The following IQCK variants were observed in gnomAD, a reference collection of about 807,000 sequenced individuals.
IQCK encodes IQ domain-containing protein K.
Under a neutral mutation model 28.1 loss-of-function variants are expected in IQCK, and 29 were observed. That is an observed-to-expected ratio of 1.03 (90% CI 0.77 to 1.41). The LOEUF (loss-of-function observed/expected upper bound fraction) is 1.41. IQCK is among the 40% of genes most tolerant of loss of function. The pLI, the probability that IQCK is intolerant of heterozygous loss-of-function variation, is 0.00. For missense variants in IQCK, 359 were observed against 314.7 expected (o/e 1.14, Z -1.07); for synonymous variants, 113 against 115.1 (o/e 0.98, Z 0.12).
intron 6 of IQCK, among the ~76,000 whole-genome samples, chr16:19,767,879 C>A: frequency 6.6e-6 from 1 of 151,726 alleles, no homozygotes; most frequent in East Asian, 1.9e-4. Flanking sequence ...GACTCCATCT[C>A]AATAAATAAA....
At chr16:19,745,308 C>T (rs540231563) in intron 4 of IQCK, among the ~76,000 whole-genome samples, 3 of 152,198 alleles carry the variant, frequency 2.0e-5, no homozygotes, top group African/African-American at 7.2e-5. Context: ...TTTAAATGCT[C>T]ACTATGTCTG....
chr16:19,839,018 CAAAAAAAAAAAA>C (rs71146274), intron 9 of IQCK, among the ~76,000 whole-genome samples: 1 of 42,582 alleles, frequency 2.3e-5, no homozygotes, highest in Non-Finnish European at 4.5e-5. Context: ...GACTCCATAG[CAAAAAAAAAAAA>C]AAAAAAAAAA....
intron 9 of IQCK, among the ~76,000 whole-genome samples, chr16:19,833,607 A>C (rs993933215): frequency 2.6e-5 from 4 of 152,212 alleles, no homozygotes; most frequent in Non-Finnish European, 5.9e-5. Context: ...AAATATAGTA[A>C]GTTTCTTAGA....
intron 7 of IQCK, among the ~76,000 whole-genome samples, chr16:19,822,067 C>CAAAA (rs35060834): frequency 1.5e-5 from 1 of 64,646 alleles, no homozygotes; most frequent in African/African-American, 5.0e-5. Flanking sequence ...GACCCTGTCT[C>CAAAA]AAAAAAAAAA....
chr16:19,837,447 C>T (rs1371662158), intron 9 of IQCK, among the ~76,000 whole-genome samples: 1 of 152,086 alleles, frequency 6.6e-6, no homozygotes, highest in South Asian at 2.1e-4. Context: ...CTGACAGAAC[C>T]GAGCTCCTGC....
At chr16:19,850,133 C>A (rs2056464684) in intron 9 of IQCK, among the ~76,000 whole-genome samples, 5 of 152,146 alleles carry the variant, frequency 3.3e-5, no homozygotes. Flanking sequence ...AGGTTGTTCT[C>A]AAACTGTTTA....
At chr16:19,739,722 G>A (rs1269115620) in intron 4 of IQCK, among the ~76,000 whole-genome samples, 1 of 152,134 alleles carries the variant, frequency 6.6e-6, no homozygotes, top group African/African-American at 2.4e-5. Flanking sequence ...GGCTGAGGTG[G>A]GAGAATCACT....
chr16:19,762,298 C>T (rs1445096142), intron 4 of IQCK, among the ~76,000 whole-genome samples: 4 of 152,246 alleles, frequency 2.6e-5, no homozygotes, highest in Admixed American at 6.5e-5. Flanking sequence ...CACCTGTGTG[C>T]GGGGTGTCTC....
intron 7 of IQCK, among the ~76,000 whole-genome samples, chr16:19,810,267 C>T (rs574848375): frequency 9.2e-5 from 14 of 152,094 alleles, no homozygotes; most frequent in African/African-American, 2.2e-4. Context: ...GAGGCCGAGG[C>T]GGGCGGATCA....
At chr16:19,804,470 CT>C (rs2151741588) in intron 7 of IQCK, among the ~76,000 whole-genome samples, 1 of 151,982 alleles carries the variant, frequency 6.6e-6, no homozygotes, top group South Asian at 2.1e-4. Context: ...CAGGGTCTCA[CT>C]TTGTCACCTA....
At chr16:19,805,694 G>T (rs1355971520) in intron 7 of IQCK, among the ~76,000 whole-genome samples, 1 of 152,146 alleles carries the variant, frequency 6.6e-6, no homozygotes, top group Non-Finnish European at 1.5e-5. Flanking sequence ...CACACCATGG[G>T]TTCTTCCTGT....
intron 7 of IQCK, among the ~76,000 whole-genome samples, chr16:19,824,248 TG>T: frequency 6.6e-6 from 1 of 152,338 alleles, no homozygotes; most frequent in Admixed American, 6.5e-5. Flanking sequence ...ACAGATCATC[TG>T]GCACTAGTTA....
At chr16:19,831,263 T>C (rs1434961011), downstream of IQCK, among the ~76,000 whole-genome samples, 7 of 152,218 alleles carry the variant, frequency 4.6e-5, no homozygotes, top group African/African-American at 1.7e-4. Flanking sequence ...ACATGACATA[T>C]GACCTGTTCA....
intron 6 of IQCK, among the ~76,000 whole-genome samples, chr16:19,770,953 C>G (rs2055312001): frequency 6.6e-6 from 1 of 152,174 alleles, no homozygotes; most frequent in South Asian, 2.1e-4. Context: ...CCATCTTCCA[C>G]TTTTAAGGAC....
intron 9 of IQCK, among the ~76,000 whole-genome samples, chr16:19,832,785 C>T (rs1351071543): frequency 5.9e-5 from 9 of 151,888 alleles, no homozygotes; most frequent in Admixed American, 5.2e-4. Context: ...AAAATCATGG[C>T]GGAAGGCAAA....
At chr16:19,812,092 ATTC>A (rs1294449615) in intron 7 of IQCK, among the ~76,000 whole-genome samples, 6 of 151,450 alleles carry the variant, frequency 4.0e-5, no homozygotes, top group Admixed American at 2.0e-4. Context: ...GGTTCAAGCA[ATTC>A]TTCTGCCTTA....
In IQCK at chr16:19,731,680, C is replaced by T. The variant is rs1170334668; in HGVS notation, c.246+1186C>T. Among the ~76,000 whole-genome samples the T allele has an allele frequency of 2.6e-5, 4 of 152,052 alleles. No homozygotes were observed. The East Asian group carries it at 7.7e-4, about 29-fold the overall frequency. ...GTCTTCAGTGGATTTTTCTATATAGCTGGTATATTAGGGTTCTCCAGAGAG... is the reference window on the plus strand; with the variant it reads ...GTCTTCAGTGGATTTTTCTATATAGTTGGTATATTAGGGTTCTCCAGAGAG... On this transcript the variant is annotated intron_variant, in intron 2 of 7. Coordinates refer to ENST00000564186, the Ensembl canonical transcript of IQCK.
intron 4 of IQCK, among the ~76,000 whole-genome samples, chr16:19,746,400 C>T (rs2054913953): frequency 6.6e-6 from 1 of 151,784 alleles, no homozygotes; most frequent in African/African-American, 2.4e-5. Context: ...CTGTAGTTAC[C>T]CTGTTTTGCT....
intron 1 of IQCK, among the ~76,000 whole-genome samples, chr16:19,729,654 A>AT (rs751057781): frequency 1.3e-4 from 19 of 150,100 alleles, no homozygotes; most frequent in East Asian, 5.9e-4. Flanking sequence ...TTTATTTTTT[A>AT]TTTTTTTTGA....
Sources: allele counts gnomAD v4.1 joint callset (sites outside exome capture counted in the v4.1 genomes callset), GRCh38; gene constraint gnomAD v4.1.1; transcripts MANE v1.5; gene names NCBI Gene and HGNC (gene_info 2026-07-23, HGNC 2026-07-21).